Variants in KHDRBS2 observed in about 807,000 individuals in gnomAD.
The protein encoded by KHDRBS2 is KH domain-containing, RNA-binding, signal transduction-associated protein 2.
KHDRBS2 carries 26 observed loss-of-function variants against 44.3 expected under a neutral mutation model. The ratio of observed to expected loss-of-function variants is 0.59; its 90% CI spans 0.43 to 0.81. KHDRBS2 has a LOEUF of 0.81. Ranked by LOEUF, KHDRBS2 falls within the 40% of genes least tolerant of loss-of-function variation. The pLI is 0.00. For synonymous variants in KHDRBS2, 194 were observed against 151.1 expected (o/e 1.28, Z -2.08); for missense variants, 476 against 433.1 (o/e 1.10, Z -0.88).
At chr6:62,241,575 G>A (rs1834677723) in intron 1 of KHDRBS2, among the ~76,000 whole-genome samples, 3 of 151,672 alleles carry the variant, frequency 2.0e-5, no homozygotes, top group South Asian at 2.1e-4. Context: ...GTGTGTTGAC[G>A]GCATAGCACA....
chr6:61,794,896 T>C (rs1193284040), intron 6 of KHDRBS2, among the ~76,000 whole-genome samples: 1 of 152,018 alleles, frequency 6.6e-6, no homozygotes, highest in Non-Finnish European at 1.5e-5. Flanking sequence ...CTCAGCACTT[T>C]GGAACGCCAA....
At chr6:61,890,795 A>T (rs1371808367) in intron 6 of KHDRBS2, among the ~76,000 whole-genome samples, 1 of 152,038 alleles carries the variant, frequency 6.6e-6, no homozygotes, top group Admixed American at 6.6e-5. Flanking sequence ...TTTTTTTTGA[A>T]CCTTGTGGGT....
intron 2 of KHDRBS2, among the ~76,000 whole-genome samples, chr6:62,098,634 A>G (rs1469297985): frequency 6.6e-6 from 1 of 152,122 alleles, no homozygotes; most frequent in East Asian, 1.9e-4. Context: ...CACTCATTTG[A>G]GTTTAATCTA....
At chr6:62,062,697 C>G (rs1254670311) in intron 2 of KHDRBS2, among the ~76,000 whole-genome samples, 1 of 147,164 alleles carries the variant, frequency 6.8e-6, no homozygotes, top group African/African-American at 2.5e-5. Context: ...AAATTGACAC[C>G]CTAACATCAC....
chr6:62,007,987 A>C (rs1456459943), intron 3 of KHDRBS2, among the ~76,000 whole-genome samples: 3 of 152,174 alleles, frequency 2.0e-5, no homozygotes, highest in Non-Finnish European at 4.4e-5. Flanking sequence ...AAAGATAAAA[A>C]ATGATATACA....
chr6:62,084,329 G>C (rs796761185), intron 2 of KHDRBS2, among the ~76,000 whole-genome samples: 8 of 152,250 alleles, frequency 5.3e-5, no homozygotes, highest in African/African-American at 1.9e-4. Context: ...AATTTTTAAA[G>C]ATTTAACATT....
the KHDRBS2 span, among the ~76,000 whole-genome samples, chr6:61,650,213 A>G: frequency 6.6e-6 from 1 of 151,982 alleles, no homozygotes; most frequent in African/African-American, 2.4e-5. Context: ...TAATTTGCCT[A>G]ACACTTCCCT....
At chr6:61,871,894 G>C (rs1201577948) in intron 6 of KHDRBS2, among the ~76,000 whole-genome samples, 2 of 144,646 alleles carry the variant, frequency 1.4e-5, no homozygotes, top group Non-Finnish European at 3.0e-5. Context: ...ACTGAATCGT[G>C]AGTACACATG....
chr6:62,062,338 C>T (rs1168974366), intron 2 of KHDRBS2, among the ~76,000 whole-genome samples: 3 of 141,686 alleles, frequency 2.1e-5, no homozygotes, highest in East Asian at 2.1e-4. Context: ...TTTTTCAGCA[C>T]CACACCACAC....
intron 8 of KHDRBS2, 125 bp from the exon 9 acceptor site, chr6:61,681,185 A>G (rs1766251516): frequency 1.5e-6 from 1 of 648,680 alleles, no homozygotes; most frequent in Admixed American, 2.7e-5. Flanking sequence ...GCTAAAGCCT[A>G]TTTTTTCCAC....
intron 4 of KHDRBS2, among the ~76,000 whole-genome samples, chr6:61,909,119 T>C (rs1389493728): frequency 1.3e-5 from 2 of 151,140 alleles, no homozygotes; most frequent in South Asian, 2.1e-4. Context: ...CAGGCTGGAG[T>C]GCAGGAGCAT....
At chr6:62,174,060 G>T (rs757854971) in intron 2 of KHDRBS2, among the ~76,000 whole-genome samples, 38 of 151,786 alleles carry the variant, frequency 2.5e-4, no homozygotes, top group African/African-American at 8.2e-4. Context: ...TCTGGCCAGG[G>T]AAATCAGGCA....
chr6:61,839,006 A>G (rs1793159186), intron 6 of KHDRBS2, among the ~76,000 whole-genome samples: 1 of 152,020 alleles, frequency 6.6e-6, no homozygotes, highest in South Asian at 2.1e-4. Flanking sequence ...AATGCTCCAG[A>G]AACTCTTTGC....
the KHDRBS2 span, among the ~76,000 whole-genome samples, chr6:61,663,499 C>CAATATATATATATATA: frequency 3.6e-4 from 2 of 5,630 alleles, no homozygotes. Flanking sequence ...GCATGAGACA[C>CAATATATATATATATA]CATATATATA....
At chr6:62,048,119 C>G (rs1402553391) in intron 2 of KHDRBS2, 125 bp from the exon 3 acceptor site, 4 of 573,272 alleles carry the variant, frequency 7.0e-6, no homozygotes, top group Admixed American at 2.6e-5. Context: ...ATGCCATAAA[C>G]ATACACACAC....
At chr6:61,573,345 C>T in the KHDRBS2 span, among the ~76,000 whole-genome samples, 1 of 152,158 alleles carries the variant, frequency 6.6e-6, no homozygotes. Context: ...AAACACATTC[C>T]ATGCTCATGG....
At chr6:62,246,102 TTA>T (rs150717074) in intron 1 of KHDRBS2, among the ~76,000 whole-genome samples, 30,600 of 123,384 alleles carry the variant, frequency 0.25, 3,740 homozygotes, top group East Asian at 0.31. Context: ...TCAATCAATT[TTA>T]TATATATATA....
At chr6:61,725,541 T>G (rs922851931) in intron 7 of KHDRBS2, among the ~76,000 whole-genome samples, 3 of 151,660 alleles carry the variant, frequency 2.0e-5, no homozygotes, top group Admixed American at 2.0e-4. Context: ...ATAGATCAAC[T>G]GTTATCTAGC....
chr6:61,923,307 A>G (rs959051539), intron 4 of KHDRBS2, among the ~76,000 whole-genome samples: 44 of 152,084 alleles, frequency 2.9e-4, no homozygotes, highest in Non-Finnish European at 2.8e-4. Flanking sequence ...ATATCACCGC[A>G]GATTATGCAG....
Sources: allele counts gnomAD v4.1 joint callset (sites outside exome capture counted in the v4.1 genomes callset), GRCh38; gene constraint gnomAD v4.1.1; transcripts MANE v1.5; gene names NCBI Gene and HGNC (gene_info 2026-07-23, HGNC 2026-07-21).